Variants in NAV3 observed in about 807,000 individuals in gnomAD.
NAV3 encodes pore membrane and/or filament interacting like protein 1.
In NAV3, 87 loss-of-function variants were observed where a neutral mutation model predicts 244.7. The ratio of observed to expected loss-of-function variants is 0.36; its 90% CI spans 0.30 to 0.42. The LOEUF (loss-of-function observed/expected upper bound fraction) is 0.42. NAV3 is among the 20% of genes least tolerant of loss of function. The probability of loss-of-function intolerance (pLI) is 1.00; values close to 1 mark genes in which losing one functional copy is unlikely to be tolerated. For missense variants in NAV3, 2,663 were observed against 2,893.3 expected (o/e 0.92, Z 1.83); for synonymous variants, 1,126 against 1,042.2 (o/e 1.08, Z -1.55).
At chr12:77,582,045 C>T (rs1592472370) in intron 2 of NAV3, among the ~76,000 whole-genome samples, 2 of 152,282 alleles carry the variant, frequency 1.3e-5, no homozygotes, top group East Asian at 3.9e-4. Flanking sequence ...AACTATAGAT[C>T]AGGTAATCTT....
At chr12:77,902,483 C>A (rs2247861) in intron 1 of NAV3, among the ~76,000 whole-genome samples, 1 of 152,014 alleles carries the variant, frequency 6.6e-6, no homozygotes. Context: ...GACAATCATG[C>A]GGTTTTTGTC....
At chr12:77,580,271 A>T (rs1235897473) in intron 2 of NAV3, among the ~76,000 whole-genome samples, 1 of 149,336 alleles carries the variant, frequency 6.7e-6, no homozygotes, top group Non-Finnish European at 1.5e-5. Context: ...CAAAGATGGA[A>T]GTATAACTAA....
At chr12:77,901,478 G>A (rs1885282653) in intron 1 of NAV3, among the ~76,000 whole-genome samples, 1 of 152,166 alleles carries the variant, frequency 6.6e-6, no homozygotes, top group African/African-American at 2.4e-5. Flanking sequence ...GAGAGGCTGA[G>A]GCGGGTGGAT....
chr12:78,101,611 T>A lies in NAV3; in HGVS notation c.2637-15161T>A, dbSNP rs187975771. 7.2e-4 allele frequency among the ~76,000 whole-genome samples: 109 copies of A among 152,218 alleles called. 2 individuals carry two copies. The highest frequency in any genetic ancestry group is 1.9e-3 in the African/African-American group (81 of 41,558). ...TGCTTTTCTTCATGGTAATAAAACA[T>A]TTTCCCAGGAAGTGCTGAATAAATC... On this transcript the variant is annotated intron_variant, in intron 12 of 39. Transcript: ENST00000397909.
chr12:77,849,437 A>G (rs557279249), intron 1 of NAV3, among the ~76,000 whole-genome samples: 45 of 152,270 alleles, frequency 3.0e-4, no homozygotes, highest in African/African-American at 1.1e-3. Context: ...GAAATTCTCC[A>G]AAATCTGAAA....
intron 20 of NAV3, among the ~76,000 whole-genome samples, chr12:78,145,311 G>A (rs1426077590): frequency 1.3e-5 from 2 of 152,120 alleles, no homozygotes; most frequent in Admixed American, 1.3e-4. Context: ...GGAAGACAAA[G>A]CTCAGGTTAA....
chr12:77,644,716 G>T (rs1421270357), intron 2 of NAV3, among the ~76,000 whole-genome samples: 3 of 151,894 alleles, frequency 2.0e-5, no homozygotes, highest in Non-Finnish European at 4.4e-5. Flanking sequence ...GTTTATTAGA[G>T]GTCTATGGTA....
intron 2 of NAV3, among the ~76,000 whole-genome samples, chr12:77,674,759 T>C (rs1425436179): frequency 6.6e-6 from 1 of 152,208 alleles, no homozygotes; most frequent in African/African-American, 2.4e-5. Flanking sequence ...ATTCATTCAA[T>C]TATTATTCAT....
chr12:77,804,112 TTTTG>T (rs1456378166), intron 2 of NAV3, among the ~76,000 whole-genome samples: 10 of 152,080 alleles, frequency 6.6e-5, no homozygotes, highest in African/African-American at 1.7e-4. Context: ...TTTTGTTTTG[TTTTG>T]TTTGTTTGTT....
At chr12:77,647,646 A>G (rs965222422) in intron 2 of NAV3, among the ~76,000 whole-genome samples, 3 of 152,144 alleles carry the variant, frequency 2.0e-5, no homozygotes, top group Admixed American at 6.5e-5. Context: ...TCTACTTCAT[A>G]TAAAATAAAG....
At chr12:77,923,609 T>C (rs1887918374) in intron 1 of NAV3, among the ~76,000 whole-genome samples, 1 of 152,200 alleles carries the variant, frequency 6.6e-6, no homozygotes. Context: ...AAATGACCTA[T>C]TTGTAAATTG....
chr12:77,786,247 T>C (rs1157486862), intron 2 of NAV3, among the ~76,000 whole-genome samples: 3 of 152,212 alleles, frequency 2.0e-5, no homozygotes, highest in African/African-American at 7.2e-5. Context: ...GAGAATAAGA[T>C]AATTCTGATT....
chr12:78,128,720 C>T lies in NAV3; in HGVS notation c.4295C>T (p.Ser1432Phe), dbSNP rs780596285. ...PKKGLRYTPS[S>F]RQANQEEGKE... ...CTGTTTTGCAGATATACCCCATCAT[C>T]TCGGCAGGCCAACCAAGAAGAGGGC... is the stretch of plus-strand genomic sequence containing the variant. The change falls in exon 18 of 40, where the codon TCT becomes TTT. Residue 1432 changes from serine to phenylalanine, a missense_variant. Transcript: ENST00000397909. 1.2e-5 allele frequency: 20 copies of T among 1,613,828 alleles called. No homozygotes were observed. Among genetic ancestry groups the T allele is most frequent in the Non-Finnish European group, 8.5e-7 (1 of 1,179,842 alleles).
chr12:78,027,707 C>A (rs955186523), intron 9 of NAV3, among the ~76,000 whole-genome samples: 2 of 152,126 alleles, frequency 1.3e-5, no homozygotes, highest in Non-Finnish European at 2.9e-5. Flanking sequence ...CTTTTCCATG[C>A]ACACCCACAA....
At chr12:78,057,518 A>G (rs1883687898) in intron 11 of NAV3, among the ~76,000 whole-genome samples, 1 of 152,196 alleles carries the variant, frequency 6.6e-6, no homozygotes, top group Non-Finnish European at 1.5e-5. Flanking sequence ...TGCTTCCTCT[A>G]ATTTCACTTT....
intron 12 of NAV3, among the ~76,000 whole-genome samples, chr12:78,098,589 G>A (rs1468753139): frequency 6.6e-6 from 1 of 151,858 alleles, no homozygotes; most frequent in African/African-American, 2.4e-5. Flanking sequence ...AATTTTCTGG[G>A]CAAAAATATT....
chr12:77,668,290 G>A (rs530493425), intron 2 of NAV3, among the ~76,000 whole-genome samples: 29 of 152,224 alleles, frequency 1.9e-4, no homozygotes, highest in African/African-American at 7.0e-4. Flanking sequence ...TGAAATCTCT[G>A]AATTGCCAGA....
chr12:78,069,425 T>C (rs773633583), intron 12 of NAV3, among the ~76,000 whole-genome samples: 2 of 152,022 alleles, frequency 1.3e-5, no homozygotes, highest in Non-Finnish European at 2.9e-5. Flanking sequence ...GAATATTGCA[T>C]TAAGATATTT....
At chr12:77,970,683 T>C (rs1003216792) in intron 5 of NAV3, among the ~76,000 whole-genome samples, 2 of 152,086 alleles carry the variant, frequency 1.3e-5, no homozygotes, top group African/African-American at 2.4e-5. Flanking sequence ...ATAAGACTCA[T>C]AGTGGAAAAT....
Sources: gnomAD v4.1 joint callset for allele counts (sites outside exome capture counted in the v4.1 genomes callset) on GRCh38, gnomAD v4.1.1 for gene constraint, MANE v1.5 for transcripts, NCBI Gene and HGNC (gene_info 2026-07-23, HGNC 2026-07-21) for gene names.